The following SDCCAG8 variants were observed in gnomAD, a reference collection of about 807,000 sequenced individuals.
SDCCAG8 encodes serologically defined colon cancer antigen 8.
A neutral mutation model predicts 101.8 loss-of-function variants in SDCCAG8; 74 were observed. The ratio of observed to expected loss-of-function variants is 0.73; its 90% CI spans 0.60 to 0.88. The LOEUF is 0.88. SDCCAG8 is among the 40% of genes least tolerant of loss of function. The probability of loss-of-function intolerance (pLI) is 0.00; values close to 1 mark genes in which losing one functional copy is unlikely to be tolerated. For missense variants in SDCCAG8, 787 were observed against 822.6 expected (o/e 0.96, Z 0.53); for synonymous variants, 281 against 292.9 (o/e 0.96, Z 0.41).
intron 16 of SDCCAG8, among the ~76,000 whole-genome samples, chr1:243,428,030 G>A (rs1363124759): frequency 6.6e-6 from 1 of 152,208 alleles, no homozygotes; most frequent in East Asian, 1.9e-4. Context: ...CAGAGGATTT[G>A]GCCATTGGGC....
intron 11 of SDCCAG8, among the ~76,000 whole-genome samples, chr1:243,343,026 A>C (rs143283882): frequency 6.6e-6 from 1 of 152,270 alleles, no homozygotes; most frequent in African/African-American, 2.4e-5. Flanking sequence ...CACAGACACT[A>C]CCACAGTACA....
intron 10 of SDCCAG8, among the ~76,000 whole-genome samples, chr1:243,334,355 T>A (rs553540719): frequency 6.6e-6 from 1 of 152,316 alleles, no homozygotes; most frequent in South Asian, 2.1e-4. Flanking sequence ...TAGGATCCTT[T>A]ATCATAGCAT....
chr1:243,353,490 CAAAAAAAAAAAAAAAAAAAAAAAAAAAAA>C (rs542632635), intron 12 of SDCCAG8, among the ~76,000 whole-genome samples: 1 of 27,598 alleles, frequency 3.6e-5, no homozygotes, highest in Non-Finnish European at 6.1e-5. Context: ...GATTCCATCT[CAAAAAAAAAAAAAAAAAAAAAAAAAAAAA>C]AAAAGAATGT....
intron 12 of SDCCAG8, among the ~76,000 whole-genome samples, chr1:243,348,665 CA>C (rs1231673519): frequency 6.6e-6 from 1 of 151,920 alleles, no homozygotes; most frequent in Non-Finnish European, 1.5e-5. Flanking sequence ...ATTGTTCCAT[CA>C]GAGTACACCT....
intron 13 of SDCCAG8, among the ~76,000 whole-genome samples, chr1:243,414,077 A>C (rs2080388795): frequency 6.6e-6 from 1 of 152,200 alleles, no homozygotes; most frequent in Admixed American, 6.5e-5. Flanking sequence ...ATGACAAACG[A>C]AGCAGACATG....
At chr1:243,494,001 G>A (rs990043575) in intron 17 of SDCCAG8, among the ~76,000 whole-genome samples, 25 of 152,142 alleles carry the variant, frequency 1.6e-4, no homozygotes, top group Admixed American at 1.6e-3. Context: ...CCTTGGAGGT[G>A]TCACCTAATT....
chr1:243,263,740 C>G (rs1159201376), intron 1 of SDCCAG8, among the ~76,000 whole-genome samples: 2 of 152,174 alleles, frequency 1.3e-5, no homozygotes, highest in African/African-American at 2.4e-5. Flanking sequence ...TTATTAGAGT[C>G]TTAGGATAGT....
At chr1:243,373,953 A>G (rs946449063) in intron 12 of SDCCAG8, among the ~76,000 whole-genome samples, 5 of 152,148 alleles carry the variant, frequency 3.3e-5, no homozygotes, top group Admixed American at 6.5e-5. Context: ...AATCAGACAA[A>G]CAAGAAAGGA....
intron 5 of SDCCAG8, among the ~76,000 whole-genome samples, chr1:243,291,596 A>G (rs796927871): frequency 2.0e-5 from 3 of 152,350 alleles, no homozygotes; most frequent in African/African-American, 7.2e-5. Flanking sequence ...TACTGAAGAT[A>G]AATATTTTTC....
chr1:243,377,280 G>T (rs748972883), intron 12 of SDCCAG8, among the ~76,000 whole-genome samples: 1 of 151,496 alleles, frequency 6.6e-6, no homozygotes, highest in Non-Finnish European at 1.5e-5. Flanking sequence ...GTATTTCTTT[G>T]CTTTTGTTAA....
intron 15 of SDCCAG8, among the ~76,000 whole-genome samples, chr1:243,425,316 C>T (rs2081270705): frequency 6.6e-6 from 1 of 152,090 alleles, no homozygotes; most frequent in Non-Finnish European, 1.5e-5. Flanking sequence ...GGCAAGCTTC[C>T]TTTTGGATGA....
intron 16 of SDCCAG8, among the ~76,000 whole-genome samples, chr1:243,450,300 A>G (rs1359016905): frequency 6.6e-6 from 1 of 152,234 alleles, no homozygotes; most frequent in Non-Finnish European, 1.5e-5. Context: ...TAGGATTAAT[A>G]TAGGCTGATT....
At chr1:243,472,389 G>A (rs933824112) in intron 16 of SDCCAG8, among the ~76,000 whole-genome samples, 17 of 152,272 alleles carry the variant, frequency 1.1e-4, no homozygotes, top group African/African-American at 4.1e-4. Flanking sequence ...TTGTTTGTTT[G>A]TCTGTTTCTA....
chr1:243,414,636 G>A (rs1035625757), intron 13 of SDCCAG8, among the ~76,000 whole-genome samples: 4 of 152,074 alleles, frequency 2.6e-5, no homozygotes, highest in South Asian at 2.1e-4. Context: ...GTTCCACAGC[G>A]GTACATAGAC....
At chr1:243,462,134 G>C (rs750526850) in intron 16 of SDCCAG8, among the ~76,000 whole-genome samples, 8 of 152,144 alleles carry the variant, frequency 5.3e-5, no homozygotes, top group Non-Finnish European at 1.2e-4. Flanking sequence ...GGGAATGAAG[G>C]GGGCTGCAGG....
chr1:243,295,383 G>A (rs537165796), intron 6 of SDCCAG8, among the ~76,000 whole-genome samples: 1 of 152,166 alleles, frequency 6.6e-6, no homozygotes, highest in South Asian at 2.1e-4. Context: ...GACTACAGGT[G>A]TGCGCCACCA....
chr1:243,372,689 TG>T (rs1020269244), intron 12 of SDCCAG8, among the ~76,000 whole-genome samples: 19 of 151,752 alleles, frequency 1.3e-4, no homozygotes, highest in Non-Finnish European at 1.8e-4. Context: ...AAGCAAGAAA[TG>T]TTTTTTTTTA....
chr1:243,473,093 G>C (rs994418410), intron 16 of SDCCAG8, among the ~76,000 whole-genome samples: 1 of 151,366 alleles, frequency 6.6e-6, no homozygotes, highest in African/African-American at 2.4e-5. Flanking sequence ...CTCTGCGGGG[G>C]TGTGGGGGGT....
intron 13 of SDCCAG8, among the ~76,000 whole-genome samples, chr1:243,413,517 T>C (rs1265747309): frequency 6.6e-6 from 1 of 152,196 alleles, no homozygotes; most frequent in Non-Finnish European, 1.5e-5. Context: ...ATAGTCAATT[T>C]AGAATATCAG....
Sources: allele counts gnomAD v4.1 joint callset (sites outside exome capture counted in the v4.1 genomes callset), GRCh38; gene constraint gnomAD v4.1.1; transcripts MANE v1.5; gene names NCBI Gene and HGNC (gene_info 2026-07-23, HGNC 2026-07-21).